Variants in BORCS5 observed in about 807,000 individuals in gnomAD.
BORCS5 encodes the protein BLOC-1-related complex subunit 5.
A neutral mutation model predicts 22.1 loss-of-function variants in BORCS5; 17 were observed. The observed-to-expected ratio is 0.77, with a 90% confidence interval of 0.53 to 1.15. The LOEUF (loss-of-function observed/expected upper bound fraction) is 1.15, where lower values mean the gene tolerates loss of function less well. Ranked by LOEUF, BORCS5 falls within the 50% of genes most tolerant of loss-of-function variation. The probability of loss-of-function intolerance (pLI) is 0.00; values close to 1 mark genes in which losing one functional copy is unlikely to be tolerated. For synonymous variants in BORCS5, 117 were observed against 99.8 expected, an observed-to-expected ratio of 1.17 and a Z score of -1.03; for missense variants, 247 against 253.2, an observed-to-expected ratio of 0.98 and a Z score of 0.17.
chr12:12,444,947 AC>A (rs1347715800), intron 3 of BORCS5, among the ~76,000 whole-genome samples: 18 of 151,992 alleles, frequency 1.2e-4, no homozygotes, highest in African/African-American at 3.9e-4. Context: ...AACAACAACA[AC>A]AAAAAAAACT....
intron 2 of BORCS5, among the ~76,000 whole-genome samples, chr12:12,390,020 G>A (rs1941131719): frequency 6.6e-6 from 1 of 152,000 alleles, no homozygotes; most frequent in Non-Finnish European, 1.5e-5. Flanking sequence ...TGTTTTCTTT[G>A]CTTTCCCACC....
chr12:12,457,248 G>C (rs919085484), intron 3 of BORCS5, among the ~76,000 whole-genome samples: 1 of 152,232 alleles, frequency 6.6e-6, no homozygotes, highest in Non-Finnish European at 1.5e-5. Context: ...CTGAGGGTCA[G>C]CAAGGTTAAG....
In BORCS5 at chr12:12,470,315, G is replaced by A. The variant is rs527611831; in HGVS notation, c.*4539G>A. 2.6e-5 allele frequency among the ~76,000 whole-genome samples: 4 copies of A among 152,018 alleles called. No individual in the cohort carries two copies. The highest frequency in any genetic ancestry group is 9.7e-5 in the African/African-American group (4 of 41,386). ...AAACTCCTGACCTCGTGATCTGCCC[G>A]ACTTGGCCTCCCAAAGTACTGGGAT... On this transcript the variant is annotated 3_prime_UTR_variant, in exon 4 of 4. Coordinates refer to ENST00000314565, the MANE Select transcript of BORCS5 (RefSeq NM_058169.6).
intron 2 of BORCS5, among the ~76,000 whole-genome samples, chr12:12,404,376 T>C (rs1387839698): frequency 2.6e-5 from 4 of 152,206 alleles, no homozygotes; most frequent in Non-Finnish European, 4.4e-5. Flanking sequence ...GATTAAGGTT[T>C]GTTGAGTGCT....
At chr12:12,386,960 C>T (rs1287363143) in intron 2 of BORCS5, among the ~76,000 whole-genome samples, 1 of 151,142 alleles carries the variant, frequency 6.6e-6, no homozygotes, top group African/African-American at 2.4e-5. Context: ...AACTCCTGGG[C>T]TCAAGTGATC....
chr12:12,448,997 G>T (rs139250096), intron 3 of BORCS5, among the ~76,000 whole-genome samples: 2 of 152,300 alleles, frequency 1.3e-5, no homozygotes, highest in East Asian at 3.9e-4. Context: ...CTTTAAAATA[G>T]CCCTGAAGAC....
chr12:12,436,708 A>G (rs1031354532), intron 3 of BORCS5, among the ~76,000 whole-genome samples: 4 of 152,228 alleles, frequency 2.6e-5, no homozygotes, highest in Admixed American at 2.0e-4. Flanking sequence ...GTATTTAGCA[A>G]TGGAGGTAGT....
chr12:12,424,928 G>A (rs1370203939), intron 2 of BORCS5, among the ~76,000 whole-genome samples: 2 of 152,174 alleles, frequency 1.3e-5, no homozygotes, highest in Non-Finnish European at 2.9e-5. Flanking sequence ...TGAAAAAAAT[G>A]CTGCCCCCTT....
intron 2 of BORCS5, among the ~76,000 whole-genome samples, chr12:12,377,911 A>G (rs1383189469): frequency 6.6e-6 from 1 of 152,242 alleles, no homozygotes; most frequent in Non-Finnish European, 1.5e-5. Context: ...AATTTAAAGC[A>G]TACATTTAGG....
chr12:12,462,841 G>C (rs949992195), intron 3 of BORCS5, among the ~76,000 whole-genome samples: 1 of 151,990 alleles, frequency 6.6e-6, no homozygotes, highest in African/African-American at 2.4e-5. Context: ...TATTTTAATA[G>C]AGACGGAGTT....
intron 2 of BORCS5, among the ~76,000 whole-genome samples, chr12:12,402,227 G>C (rs1402727299): frequency 6.6e-6 from 1 of 152,148 alleles, no homozygotes; most frequent in Non-Finnish European, 1.5e-5. Context: ...GTTTCTTTGG[G>C]ATAGATTTCT....
intron 2 of BORCS5, among the ~76,000 whole-genome samples, chr12:12,405,507 T>C (rs1316725411): frequency 6.6e-6 from 1 of 152,230 alleles, no homozygotes; most frequent in African/African-American, 2.4e-5. Context: ...TTATGATGAT[T>C]ATTTTTACTT....
intron 3 of BORCS5, among the ~76,000 whole-genome samples, chr12:12,451,184 A>G (rs1176246765): frequency 6.6e-6 from 1 of 151,006 alleles, no homozygotes; most frequent in African/African-American, 2.4e-5. Flanking sequence ...TTTTTTTAAC[A>G]GTGATAAAAT....
At chr12:12,408,190 T>C (rs1036999064) in intron 2 of BORCS5, among the ~76,000 whole-genome samples, 1 of 152,224 alleles carries the variant, frequency 6.6e-6, no homozygotes, top group Non-Finnish European at 1.5e-5. Context: ...ATTTTGTTTA[T>C]CCTTTCATCC....
intron 3 of BORCS5, among the ~76,000 whole-genome samples, chr12:12,442,692 G>T (rs970016234): frequency 3.3e-5 from 5 of 152,170 alleles, no homozygotes; most frequent in African/African-American, 1.2e-4. Flanking sequence ...ATTAGATAAT[G>T]ACTAAGATGG....
intron 2 of BORCS5, among the ~76,000 whole-genome samples, chr12:12,412,900 CT>C (rs869045354): frequency 0.13 from 9,636 of 74,408 alleles, 700 homozygotes; most frequent in African/African-American, 0.26. Context: ...TTGTGGTTTT[CT>C]TTTTTTTTTT....
intron 2 of BORCS5, among the ~76,000 whole-genome samples, chr12:12,427,678 G>A (rs1348581454): frequency 6.6e-6 from 1 of 152,202 alleles, no homozygotes; most frequent in East Asian, 1.9e-4. Flanking sequence ...GGCTTAAACA[G>A]CAAGCATTTA....
intron 2 of BORCS5, among the ~76,000 whole-genome samples, chr12:12,413,341 A>G (rs1222743538): frequency 1.3e-4 from 18 of 138,274 alleles, no homozygotes; most frequent in African/African-American, 5.2e-4. Flanking sequence ...CACCGCCCTT[A>G]ATCCATTTAA....
intron 3 of BORCS5, among the ~76,000 whole-genome samples, chr12:12,447,716 A>G (rs1942818667): frequency 1.3e-5 from 2 of 152,216 alleles, no homozygotes; most frequent in Admixed American, 6.5e-5. Context: ...GTGTTCACAC[A>G]TGGTTTGGGT....
Sources: allele counts gnomAD v4.1 joint callset (sites outside exome capture counted in the v4.1 genomes callset), GRCh38; gene constraint gnomAD v4.1.1; transcripts MANE v1.5; gene names NCBI Gene and HGNC (gene_info 2026-07-23, HGNC 2026-07-21).